The following FRMPD3 variants were observed in gnomAD, a reference collection of about 807,000 sequenced individuals.
FRMPD3 encodes FERM and PDZ domain-containing protein 3.
In FRMPD3, 42 loss-of-function variants were observed where a neutral mutation model predicts 97.9. The observed-to-expected ratio is 0.43, with a 90% CI of 0.34 to 0.55. The LOEUF (loss-of-function observed/expected upper bound fraction) is 0.55. Among genes scored for constraint, FRMPD3 ranks in the 20% least tolerant of loss-of-function variants. The pLI, the probability that FRMPD3 is intolerant of heterozygous loss-of-function variation, is 0.03. For missense variants in FRMPD3, 1,303 were observed against 1,457.7 expected, an observed-to-expected ratio of 0.89 and a Z score of 1.73; for synonymous variants, 577 against 581.1, an observed-to-expected ratio of 0.99 and a Z score of 0.10.
intron 1 of FRMPD3, among the ~76,000 whole-genome samples, chrX:107,508,054 C>T (rs924520427): frequency 1.8e-5 from 2 of 112,039 alleles, no homozygotes; most frequent in East Asian, 5.6e-4. Flanking sequence ...TAGATACTAT[C>T]CCCATTTTAC....
intron 10 of FRMPD3, among the ~76,000 whole-genome samples, chrX:107,562,360 A>G (rs772618959): frequency 8.9e-6 from 1 of 112,495 alleles, no homozygotes; most frequent in East Asian, 2.8e-4. Flanking sequence ...GCTGGGAGCC[A>G]TTGAAGGGTT....
chrX:107,513,269 C>T (rs1034834366), intron 1 of FRMPD3: 1 of 111,488 alleles, frequency 9.0e-6, no homozygotes, highest in Non-Finnish European at 1.9e-5. Context: ...CCAGATACCA[C>T]CATGTTTTCC....
intron 13 of FRMPD3, among the ~76,000 whole-genome samples, chrX:107,590,674 A>G (rs1430158217): frequency 8.8e-6 from 1 of 113,195 alleles, no homozygotes; most frequent in Non-Finnish European, 1.9e-5. Context: ...CATTACTGCA[A>G]TAAATCCCAC....
rs749822548 is a variant in FRMPD3 at position 107,571,601 on chromosome X, G to A, written c.1297-4714G>A. Among the ~76,000 whole-genome samples, 8 of 111,682 alleles carry A rather than the reference G, an allele frequency of 7.2e-5. No homozygotes were observed. The Admixed American group carries it at 7.6e-4, about 11-fold the overall frequency. The stretch of plus-strand genomic sequence containing the variant: ...TTACTGGCACTGGGCTATCTTGGGG[G>A]TAAGAGGGGAAACTGAAGTGGTCAG... On this transcript the variant is annotated intron_variant, in intron 12 of 14. Transcript: ENST00000683843.
At chrX:107,585,172 G>C (rs927917083) in intron 13 of FRMPD3, among the ~76,000 whole-genome samples, 3 of 111,012 alleles carry the variant, frequency 2.7e-5, no homozygotes, top group African/African-American at 9.8e-5. Flanking sequence ...CTTGTTAGCT[G>C]TATTCCTAGG....
At chrX:107,542,631 T>C (rs1427435375) in intron 4 of FRMPD3, among the ~76,000 whole-genome samples, 1 of 112,337 alleles carries the variant, frequency 8.9e-6, no homozygotes, top group Non-Finnish European at 1.9e-5. Flanking sequence ...GATTGCTGGC[T>C]CTGACAGAGC....
chrX:107,525,598 T>C (rs752023201), intron 1 of FRMPD3: 24 of 557,457 alleles, frequency 4.3e-5, no homozygotes, highest in Admixed American at 6.7e-5. Context: ...CTTTCAGGCC[T>C]GCTGGCAGCC....
chrX:107,566,544 T>C (rs1428691811), intron 12 of FRMPD3, among the ~76,000 whole-genome samples: 1 of 112,277 alleles, frequency 8.9e-6, no homozygotes, highest in Non-Finnish European at 1.9e-5. Flanking sequence ...GAGATGTGGC[T>C]TCCTGAGAAA....
At chrX:107,551,451 C>T (rs757161788) in intron 6 of FRMPD3, among the ~76,000 whole-genome samples, 30 of 112,119 alleles carry the variant, frequency 2.7e-4, no homozygotes, top group Non-Finnish European at 5.3e-4. Context: ...ATTGTGGACT[C>T]TGTCTCCATA....
chrX:107,550,185 C>T, intron 6 of FRMPD3, 29 bp downstream of exon 6: 1 of 966,311 alleles, frequency 1.0e-6, no homozygotes, highest in Non-Finnish European at 1.5e-6. Flanking sequence ...CCCTGGTCAG[C>T]ATTGCCCTCT....
chrX:107,602,752 G>T lies in FRMPD3; in HGVS notation c.4713G>T (p.Glu1571Asp). 1.7e-6 allele frequency: 2 copies of T among 1,209,832 alleles called. No homozygotes were observed. The highest frequency in any genetic ancestry group is 5.9e-5 in the East Asian group (2 of 33,806). ...QEIDLRVSTF[E>D]GSLAKINALR... ...TTGACCTCCGTGTGTCCACCTTCGAGGGGAGCCTGGCCAAGATCAATGCCC... is the reference window on the plus strand; with the variant it reads ...TTGACCTCCGTGTGTCCACCTTCGATGGGAGCCTGGCCAAGATCAATGCCC... The change falls in exon 15 of 15, where the codon GAG (glutamate) becomes GAT (aspartate). Residue 1571 changes from glutamate (E) to aspartate (D), a missense_variant. Physicochemically the swap from Glu to Asp is conservative, Grantham distance 45. Coordinates refer to ENST00000683843, the MANE Select transcript of FRMPD3 (RefSeq NM_001388459.1).
Position 107,600,522 on chromosome X carries a change from C to G in FRMPD3, c.2483C>G (p.Thr828Arg), listed in dbSNP as rs1217763698. The G allele has an allele frequency of 1.7e-6, 2 of 1,210,891 alleles. No homozygotes were observed. The highest frequency in any genetic ancestry group is 3.0e-5 in the East Asian group (1 of 33,834). Residue 828 changes from threonine (T) to arginine (R), a missense_variant, in exon 15 of 15, where the codon ACG (threonine) becomes AGG (arginine). By Grantham distance (71) the Thr-to-Arg change is moderately conservative. Around this residue, in one of 3 missense-constraint regions of FRMPD3, gnomAD observed 764 missense variants for 820.2 expected, o/e 0.93. Transcript: ENST00000683843. ...IQSCAAQAVL[T>R]APYSLGRPDP... ...AGCTGTGCAGCCCAGGCCGTTCTTA[C>G]GGCCCCTTACTCTCTTGGGCGCCCG... is the stretch of plus-strand genomic sequence containing the variant.
intron 1 of FRMPD3, among the ~76,000 whole-genome samples, chrX:107,511,763 C>A (rs965040893): frequency 2.7e-5 from 3 of 112,521 alleles, no homozygotes; most frequent in Non-Finnish European, 3.8e-5. Context: ...CCCCTGTCTG[C>A]CCTCCAAGGT....
chrX:107,566,620 A>G (rs1026413965), intron 12 of FRMPD3, among the ~76,000 whole-genome samples: 7 of 113,247 alleles, frequency 6.2e-5, no homozygotes, highest in African/African-American at 2.2e-4. Flanking sequence ...GTGATTCTCA[A>G]CATTGACTAC....
chrX:107,556,786 G>A (rs5962846), intron 8 of FRMPD3, among the ~76,000 whole-genome samples: 17,744 of 111,643 alleles, frequency 0.16, 3,019 homozygotes, highest in African/African-American at 0.51. Flanking sequence ...ATGTTGTTGC[G>A]TGTATCAATT....
Position 107,554,310 on chromosome X carries a change from C to T in FRMPD3, c.643-75C>T. ...CCCCAAGCCCCACCTTAAAGAGCCA[C>T]TGAGCTGCCAGCCCAACACCCCAGC... On this transcript the variant is annotated intron_variant, in intron 7 of 14. Transcript: ENST00000683843. 4.5e-6 allele frequency: 5 copies of T among 1,101,224 alleles called. No individual in the cohort carries two copies. In the South Asian group the frequency reaches 1.0e-4, roughly 23 times the overall value. The allele number at this position is 1,101,224 out of a possible 1,213,427, so 90.8% of individuals were successfully genotyped here. A position where few individuals can be genotyped will look rare whatever the true frequency, so the allele number is the denominator to read the frequency against.
intron 1 of FRMPD3, among the ~76,000 whole-genome samples, chrX:107,511,105 A>G (rs963569146): frequency 8.9e-6 from 1 of 112,270 alleles, no homozygotes; most frequent in African/African-American, 3.2e-5. Flanking sequence ...CCAAAGGGGC[A>G]TGGGAGTTGA....
chrX:107,470,733 A>G (rs1329046229), intron 1 of FRMPD3, among the ~76,000 whole-genome samples: 1 of 112,311 alleles, frequency 8.9e-6, no homozygotes, highest in Non-Finnish European at 1.9e-5. Flanking sequence ...ACAGATGGAT[A>G]AGTATTGATG....
chrX:107,574,198 C>A (rs1448589204), intron 12 of FRMPD3, among the ~76,000 whole-genome samples: 1 of 111,059 alleles, frequency 9.0e-6, no homozygotes, highest in African/African-American at 3.3e-5. Context: ...AATCCCAGCA[C>A]TTTGGGAGGC....
Sources: gnomAD v4.1 joint callset for allele counts (sites outside exome capture counted in the v4.1 genomes callset) on GRCh38, gnomAD v4.1.1 for gene constraint, gnomAD v4.1.1 regional missense constraint, MANE v1.5 for transcripts, NCBI Gene and HGNC (gene_info 2026-07-23, HGNC 2026-07-21) for gene names.